HELLS: variants seen among roughly 807,000 people sequenced by gnomAD.
The protein encoded by HELLS is helicase, lymphoid specific, also known as lymphoid-specific helicase.
Under a neutral mutation model 120.0 loss-of-function variants are expected in HELLS, and 32 were observed. That is an observed-to-expected ratio of 0.27 (90% CI 0.20 to 0.36). The LOEUF (loss-of-function observed/expected upper bound fraction) is 0.36. Among genes scored for constraint, HELLS ranks in the 10% least tolerant of loss-of-function variants. The pLI, the probability that HELLS is intolerant of heterozygous loss-of-function variation, is 1.00. For synonymous variants in HELLS, 341 were observed against 323.4 expected (o/e 1.05, Z -0.58); for missense variants, 650 against 993.4 (o/e 0.65, Z 4.65).
chr10:94,609,569 A>G (rs927244489), intron 9 of HELLS, among the ~76,000 whole-genome samples: 1 of 152,210 alleles, frequency 6.6e-6, no homozygotes, highest in Non-Finnish European at 1.5e-5. Context: ...AGTTACATGT[A>G]TATCTTGCCT....
intron 10 of HELLS, among the ~76,000 whole-genome samples, chr10:94,577,878 G>C (rs2134065656): frequency 6.6e-6 from 1 of 152,184 alleles, no homozygotes; most frequent in Non-Finnish European, 1.5e-5. Flanking sequence ...TGGCTAACAA[G>C]GTGAAACCCC....
chr10:94,557,993 G>A, intron 3 of HELLS, 146 bp from the exon 4 acceptor site: 1 of 1,032,016 alleles, frequency 9.7e-7, no homozygotes, highest in Non-Finnish European at 1.3e-6. Flanking sequence ...GTCCATAAAG[G>A]CTTGAAGTAC....
At chr10:94,553,203 T>TATA (rs1565015397) in intron 2 of HELLS, among the ~76,000 whole-genome samples, 1 of 152,054 alleles carries the variant, frequency 6.6e-6, no homozygotes, top group Non-Finnish European at 1.5e-5. Context: ...AACAAGGTAA[T>TATA]ATAATAACAC....
chr10:94,582,555 G>A (rs1192593791), intron 11 of HELLS, among the ~76,000 whole-genome samples: 1 of 152,136 alleles, frequency 6.6e-6, no homozygotes. Context: ...TTATGTATAT[G>A]TTGAATTTTA....
At chr10:94,609,011 CTTTTTTTTTTTTTTT>C (rs71031590) in intron 9 of HELLS, among the ~76,000 whole-genome samples, 77 of 68,238 alleles carry the variant, frequency 1.1e-3, no homozygotes, top group African/African-American at 3.8e-3. Flanking sequence ...GTATCCACCT[CTTTTTTTTTTTTTTT>C]TTTTTTTTTT....
At chr10:94,556,940 T>G (rs1479163248) in intron 3 of HELLS, among the ~76,000 whole-genome samples, 1 of 152,228 alleles carries the variant, frequency 6.6e-6, no homozygotes, top group Non-Finnish European at 1.5e-5. Context: ...CAGATGTGTT[T>G]CCTGTCTTGG....
rs1554835868 is a variant in HELLS, at chr10:94,597,006, CAT to C, written c.2346-27_2346-26del. ...TTAATTTGTAGCTTTGAATTATTCA[CAT>C]AGACTTGAATATTTTGTTTTCTATA... On this transcript the variant is annotated intron_variant, in intron 20 of 21. Coordinates refer to ENST00000348459, the MANE Select transcript of HELLS (RefSeq NM_018063.5). The C allele has an allele frequency of 4.8e-6, 7 of 1,470,730 alleles. No individual in the cohort carries two copies. In the African/African-American group the frequency reaches 5.6e-5, roughly 12 times the overall value. The allele number at this position is 1,470,730 out of a possible 1,614,324, so 91.1% of individuals were successfully genotyped here. A position where few individuals can be genotyped will look rare whatever the true frequency, so the allele number is the denominator to read the frequency against.
intron 12 of HELLS, among the ~76,000 whole-genome samples, chr10:94,587,695 G>T (rs1182023875): frequency 6.6e-6 from 1 of 152,142 alleles, no homozygotes; most frequent in African/African-American, 2.4e-5. Flanking sequence ...CCAAAGTGCT[G>T]TGATTACAAG....
chr10:94,565,076 C>T (rs2134025670), intron 6 of HELLS, among the ~76,000 whole-genome samples: 1 of 152,332 alleles, frequency 6.6e-6, no homozygotes, highest in African/African-American at 2.4e-5. Flanking sequence ...GTGGCTCACG[C>T]CTGTAATCCC....
chr10:94,558,726 C>G (rs774080616), intron 4 of HELLS, among the ~76,000 whole-genome samples: 1 of 152,130 alleles, frequency 6.6e-6, no homozygotes, highest in South Asian at 2.1e-4. Flanking sequence ...CTCAGCCTCC[C>G]GAGTAGCTGG....
intron 13 of HELLS, 148 bp from the exon 14 acceptor site, chr10:94,590,265 C>T: frequency 4.5e-6 from 3 of 672,062 alleles, no homozygotes; most frequent in South Asian, 2.3e-5. Flanking sequence ...TATTGTTGTC[C>T]ATGTTAAAAT....
intron 12 of HELLS, among the ~76,000 whole-genome samples, chr10:94,584,752 G>A (rs149253192): frequency 6.6e-6 from 1 of 152,088 alleles, no homozygotes; most frequent in Admixed American, 6.5e-5. Context: ...AGGGCTCACT[G>A]GAATTGTTTT....
rs1844500125 is a variant in HELLS at position 94,576,654 on chromosome 10, T to A, written c.889-8T>A. On this transcript the variant is annotated splice_polypyrimidine_tract_variant and splice_region_variant and intron_variant, in intron 9 of 21. Transcript: ENST00000348459. ...AAGTCTGATAAAAATCAATATAAAA[T>A]TTTTCAGATCCCTACAATGTTATAT... 1.3e-6 allele frequency: 2 copies of A among 1,504,662 alleles called. No individual in the cohort carries two copies. The highest frequency in any genetic ancestry group is 2.3e-5 in the East Asian group (1 of 44,084). The allele number at this position is 1,504,662 out of a possible 1,614,324, so 93.2% of individuals were successfully genotyped here. A position where few individuals can be genotyped will look rare whatever the true frequency, so the allele number is the denominator to read the frequency against.
intron 12 of HELLS, among the ~76,000 whole-genome samples, chr10:94,587,600 G>T (rs1845232583): frequency 6.6e-6 from 1 of 152,122 alleles, no homozygotes; most frequent in Non-Finnish European, 1.5e-5. Context: ...GCTAATTTTT[G>T]TATTTTTAGT....
downstream of HELLS, among the ~76,000 whole-genome samples, chr10:94,602,657 A>AT (rs1001015796): frequency 6.6e-6 from 1 of 151,776 alleles, no homozygotes; most frequent in Non-Finnish European, 1.5e-5. Flanking sequence ...GAAAAACTTA[A>AT]TTTTTTTTCC....
rs1478494805 is a variant in HELLS, at chr10:94,580,762, T to TAA, written c.1033-564_1033-563insAA. On this transcript the variant is annotated intron_variant, in intron 10 of 21. Transcript: ENST00000348459. The stretch of plus-strand genomic sequence containing the variant: ...TATTTCCAGAAATACTTCATATTTC[T>TAA]GTATGTTAATATAAATTAGATTAAT... 2.0e-5 allele frequency among the ~76,000 whole-genome samples: 3 copies of TAA among 152,270 alleles called. No individual in the cohort carries two copies. In the East Asian group the frequency reaches 5.8e-4, roughly 29 times the overall value.
At chr10:94,596,401 T>G (rs1845741607) in intron 19 of HELLS, among the ~76,000 whole-genome samples, 1 of 152,226 alleles carries the variant, frequency 6.6e-6, no homozygotes, top group South Asian at 2.1e-4. Context: ...TTCTGATTTT[T>G]GTCACACTGA....
At chr10:94,610,511 G>C (rs1459248795) in exon 10 of HELLS, 1 of 151,394 alleles carries the variant, frequency 6.6e-6, no homozygotes, top group East Asian at 1.9e-4. Context: ...GCATTATAGA[G>C]CAAATAAGAG....
rs781018279 is a variant in HELLS at position 94,592,220 on chromosome 10, CT to C, written c.1768-8del. The C allele has an allele frequency of 6.3e-7, 1 of 1,584,906 alleles. No homozygotes were observed. On this transcript the variant is annotated splice_region_variant and splice_polypyrimidine_tract_variant and intron_variant, in intron 15 of 21. Transcript: ENST00000348459. The stretch of plus-strand genomic sequence containing the variant: ...CTCTCTATTTTTTCTTCCTTTGCCC[CT>C]CCTTAAGATCGATGAAGAATTGGTA...
Sources: allele counts gnomAD v4.1 joint callset (sites outside exome capture counted in the v4.1 genomes callset), GRCh38; gene constraint gnomAD v4.1.1; transcripts MANE v1.5; gene names NCBI Gene and HGNC (gene_info 2026-07-23, HGNC 2026-07-21).